The following OR9Q1 variants were observed in gnomAD, a reference collection of about 807,000 sequenced individuals.
OR9Q1 encodes the protein olfactory receptor 9Q1.
For synonymous variants in OR9Q1, 153 were observed against 148.6 expected (o/e 1.03, Z -0.22); for missense variants, 374 against 378.8 (o/e 0.99, Z 0.11).
At chr11:58,077,143 G>A (rs1489111657) in intron 2 of OR9Q1, among the ~76,000 whole-genome samples, 1 of 152,146 alleles carries the variant, frequency 6.6e-6, no homozygotes, top group African/African-American at 2.4e-5. Context: ...TGGAAAACAG[G>A]TTCCAGGAAG....
chr11:58,127,816 A>G (rs940000143), intron 2 of OR9Q1, among the ~76,000 whole-genome samples: 11 of 152,200 alleles, frequency 7.2e-5, no homozygotes, highest in Non-Finnish European at 5.9e-5. Context: ...AGAGAGGAAG[A>G]AAGGAAGACT....
chr11:58,053,630 A>ATATATATAT (rs1853294243), intron 1 of OR9Q1, among the ~76,000 whole-genome samples: 1 of 75,408 alleles, frequency 1.3e-5, no homozygotes, highest in African/African-American at 7.0e-5. Flanking sequence ...TATATATAAA[A>ATATATATAT]TATATATATA....
intron 2 of OR9Q1, among the ~76,000 whole-genome samples, chr11:58,158,231 C>T (rs1472306483): frequency 1.3e-5 from 2 of 152,086 alleles, no homozygotes; most frequent in Non-Finnish European, 2.9e-5. Flanking sequence ...GGCCACTAGC[C>T]CACAAACATA....
At chr11:58,045,702 C>G (rs1236913866) in intron 1 of OR9Q1, among the ~76,000 whole-genome samples, 1 of 152,114 alleles carries the variant, frequency 6.6e-6, no homozygotes, top group Non-Finnish European at 1.5e-5. Flanking sequence ...TCATCAAATC[C>G]CTTTGTTTAT....
At chr11:58,178,922 T>C (rs1193256800) in intron 2 of OR9Q1, among the ~76,000 whole-genome samples, 2 of 144,782 alleles carry the variant, frequency 1.4e-5, no homozygotes, top group African/African-American at 5.0e-5. Flanking sequence ...TATATATTTA[T>C]ATATTATATA....
chr11:58,084,272 A>C (rs186805629), intron 2 of OR9Q1, among the ~76,000 whole-genome samples: 2 of 151,958 alleles, frequency 1.3e-5, no homozygotes, highest in Admixed American at 6.6e-5. Context: ...ATATTATTAG[A>C]CATGCTACTG....
chr11:58,092,072 C>A (rs141837746), intron 2 of OR9Q1, among the ~76,000 whole-genome samples: 2 of 151,926 alleles, frequency 1.3e-5, no homozygotes, highest in East Asian at 1.9e-4. Context: ...GAATACAGCA[C>A]GCCAATGGGT....
At chr11:58,118,833 A>T in intron 2 of OR9Q1, 7 of 1,614,042 alleles carry the variant, frequency 4.3e-6, no homozygotes, top group Non-Finnish European at 5.9e-6. Context: ...AAATCACAAA[A>T]TTGCCAAAGA....
intron 2 of OR9Q1, among the ~76,000 whole-genome samples, chr11:58,070,065 C>T: frequency 6.6e-6 from 1 of 151,590 alleles, no homozygotes; most frequent in South Asian, 2.1e-4. Context: ...GCAGTGGTGC[C>T]ATCTCGGCTC....
intron 2 of OR9Q1, among the ~76,000 whole-genome samples, chr11:58,069,092 G>A (rs956618566): frequency 6.6e-6 from 1 of 152,062 alleles, no homozygotes; most frequent in African/African-American, 2.4e-5. Flanking sequence ...AGGTTACCTG[G>A]GGGTGTCCAC....
At chr11:58,124,864 C>T (rs1460917285) in intron 2 of OR9Q1, among the ~76,000 whole-genome samples, 2 of 152,160 alleles carry the variant, frequency 1.3e-5, no homozygotes, top group African/African-American at 2.4e-5. Flanking sequence ...GCGCTGATCA[C>T]AATACTATGC....
At chr11:58,067,250 G>A (rs144798670) in intron 2 of OR9Q1, among the ~76,000 whole-genome samples, 2 of 152,050 alleles carry the variant, frequency 1.3e-5, no homozygotes, top group African/African-American at 4.8e-5. Flanking sequence ...GTTAGCCCGG[G>A]TGGTCTCCAT....
intron 2 of OR9Q1, among the ~76,000 whole-genome samples, chr11:58,164,544 A>G (rs1854484107): frequency 6.6e-6 from 1 of 152,312 alleles, no homozygotes; most frequent in East Asian, 1.9e-4. Context: ...GATGGGTTTC[A>G]GGTGAGGAAA....
At chr11:58,113,961 T>C (rs1280506795) in intron 2 of OR9Q1, among the ~76,000 whole-genome samples, 1 of 152,088 alleles carries the variant, frequency 6.6e-6, no homozygotes, top group Non-Finnish European at 1.5e-5. Context: ...TGTGAAGAAC[T>C]GTTAATATTT....
At chr11:58,161,583 A>G (rs1854458456) in intron 2 of OR9Q1, among the ~76,000 whole-genome samples, 2 of 150,268 alleles carry the variant, frequency 1.3e-5, no homozygotes, top group Non-Finnish European at 3.0e-5. Context: ...TTACTCTGTC[A>G]CCCAGGCTGG....
chr11:58,169,786 G>T (rs1305026379), intron 2 of OR9Q1, among the ~76,000 whole-genome samples: 1 of 151,954 alleles, frequency 6.6e-6, no homozygotes, highest in Non-Finnish European at 1.5e-5. Flanking sequence ...CATCAGGACG[G>T]GACATTTAGT....
chr11:58,086,689 T>C (rs540164100), intron 2 of OR9Q1, among the ~76,000 whole-genome samples: 1 of 151,560 alleles, frequency 6.6e-6, no homozygotes, highest in South Asian at 2.1e-4. Context: ...AAAAGAAAAA[T>C]AATTTAAAAT....
chr11:58,123,978 T>A (rs1036647955), intron 2 of OR9Q1, among the ~76,000 whole-genome samples: 2 of 152,196 alleles, frequency 1.3e-5, no homozygotes, highest in African/African-American at 4.8e-5. Context: ...GGAACCTCAA[T>A]TTTTTCAATA....
chr11:58,092,983 ATTTTTGTTTT>A lies in OR9Q1; in HGVS notation c.-15+37044_-15+37053del, dbSNP rs975530700. Reference sequence around the variant, plus strand: ...TGCCCTGCAGAAGGGTTTATTGTTTATTTTTGTTTTTTTTTGTATCTAATTTCATGTTGAT... The same window carrying A: ...TGCCCTGCAGAAGGGTTTATTGTTTATTTTTGTATCTAATTTCATGTTGAT... On this transcript the variant is annotated intron_variant, in intron 2 of 2. Transcript: ENST00000335397. 9.2e-5 allele frequency among the ~76,000 whole-genome samples: 14 copies of A among 152,066 alleles called. No homozygotes were observed. The South Asian group carries it at 1.7e-3, about 18-fold the overall frequency.
Sources: allele counts gnomAD v4.1 joint callset (sites outside exome capture counted in the v4.1 genomes callset), GRCh38; gene constraint gnomAD v4.1.1; transcripts MANE v1.5; gene names NCBI Gene and HGNC (gene_info 2026-07-23, HGNC 2026-07-21).